The following IPCEF1 variants were observed in gnomAD, a reference collection of about 807,000 sequenced individuals.
IPCEF1 encodes interactor protein for cytohesin exchange factors 1.
A neutral mutation model predicts 50.9 loss-of-function variants in IPCEF1; 31 were observed. The observed-to-expected ratio is 0.61, with a 90% confidence interval of 0.46 to 0.82. IPCEF1 has a LOEUF of 0.82. Ranked by LOEUF, IPCEF1 falls within the 40% of genes least tolerant of loss-of-function variation. IPCEF1 has a pLI of 0.00. For missense variants in IPCEF1, 458 were observed against 514.0 expected (o/e 0.89, Z 1.05); for synonymous variants, 181 against 192.0 (o/e 0.94, Z 0.47).
chr6:154,304,835 C>T (rs950825734), intron 1 of IPCEF1, among the ~76,000 whole-genome samples: 17 of 152,116 alleles, frequency 1.1e-4, no homozygotes, highest in Admixed American at 1.1e-3. Flanking sequence ...AAGAAAAGGC[C>T]GGGCGCGGTG....
chr6:154,219,697 T>C, intron 7 of IPCEF1, among the ~76,000 whole-genome samples: 1 of 152,206 alleles, frequency 6.6e-6, no homozygotes, highest in Admixed American at 6.5e-5. Context: ...TCCATTCGTG[T>C]ATCTGTTCTT....
intron 7 of IPCEF1, among the ~76,000 whole-genome samples, chr6:154,221,009 C>T (rs1224876566): frequency 1.3e-5 from 2 of 152,240 alleles, no homozygotes; most frequent in Non-Finnish European, 2.9e-5. Flanking sequence ...CTTTTAATGA[C>T]TTCTGTCCAC....
intron 3 of IPCEF1, among the ~76,000 whole-genome samples, chr6:154,261,765 G>A (rs1002212896): frequency 6.6e-6 from 1 of 152,070 alleles, no homozygotes; most frequent in Non-Finnish European, 1.5e-5. Flanking sequence ...CAGCTTCAGT[G>A]AAAACTAGCA....
intron 1 of IPCEF1, among the ~76,000 whole-genome samples, chr6:154,310,829 G>A (rs1304691196): frequency 2.0e-5 from 3 of 152,080 alleles, no homozygotes; most frequent in Non-Finnish European, 4.4e-5. Flanking sequence ...AGTAGAAAGG[G>A]GATTACTAGG....
intron 9 of IPCEF1, among the ~76,000 whole-genome samples, chr6:154,211,185 G>A (rs1286241130): frequency 6.6e-6 from 1 of 152,108 alleles, no homozygotes; most frequent in Non-Finnish European, 1.5e-5. Context: ...GGGAGGCCGA[G>A]GCAGGCGGAT....
Position 154,235,547 on chromosome 6 carries a change from A to T in IPCEF1, c.246+11044T>A, listed in dbSNP as rs73001428. On this transcript the variant is annotated intron_variant, in intron 5 of 11. Transcript: ENST00000367220. ...ACTCTGTCACAAAAAAAAAAAAAAA[A>T]AAAAGTAATGAAGACAAAGTTAAGT... Among the ~76,000 whole-genome samples the T allele has an allele frequency of 2.4e-4, 36 of 149,818 alleles. No individual in the cohort carries two copies. The South Asian group carries it at 3.6e-3, about 15-fold the overall frequency.
chr6:154,294,058 C>T (rs1782577201), intron 1 of IPCEF1, among the ~76,000 whole-genome samples: 1 of 152,098 alleles, frequency 6.6e-6, no homozygotes, highest in Non-Finnish European at 1.5e-5. Context: ...TGTCTTTGAA[C>T]ATGAGTTCAA....
At chr6:154,248,947 G>A (rs908931132) in intron 3 of IPCEF1, among the ~76,000 whole-genome samples, 3 of 152,120 alleles carry the variant, frequency 2.0e-5, no homozygotes, top group South Asian at 2.1e-4. Flanking sequence ...TATGATTTAT[G>A]TATCCTTCAG....
At chr6:154,308,205 C>T (rs1781883768) in intron 1 of IPCEF1, among the ~76,000 whole-genome samples, 1 of 152,198 alleles carries the variant, frequency 6.6e-6, no homozygotes, top group African/African-American at 2.4e-5. Flanking sequence ...GCCTCAAGCT[C>T]CCAGGCTCAA....
At chr6:154,247,396 C>T in intron 4 of IPCEF1, 53 bp downstream of exon 4, 1 of 1,453,384 alleles carries the variant, frequency 6.9e-7, no homozygotes, top group South Asian at 1.2e-5. Flanking sequence ...CGGAGAAAAG[C>T]CACACTCAAC....
chr6:154,174,336 T>G (rs1357201364), intron 10 of IPCEF1, among the ~76,000 whole-genome samples: 10 of 152,136 alleles, frequency 6.6e-5, no homozygotes, highest in Non-Finnish European at 1.2e-4. Context: ...TAACCTTAAA[T>G]GTAAATGGGC....
chr6:154,346,213 A>C (rs1225318595), intron 1 of IPCEF1, among the ~76,000 whole-genome samples: 1 of 152,214 alleles, frequency 6.6e-6, no homozygotes, highest in Non-Finnish European at 1.5e-5. Flanking sequence ...AAGATTTTAC[A>C]TCAAAATGTT....
intron 1 of IPCEF1, among the ~76,000 whole-genome samples, chr6:154,324,548 C>T (rs1783471961): frequency 6.6e-6 from 1 of 152,196 alleles, no homozygotes; most frequent in Admixed American, 6.5e-5. Context: ...TGGCTCACAC[C>T]TGTAATCCCA....
At chr6:154,284,429 C>CT (rs1179704028) in intron 2 of IPCEF1, among the ~76,000 whole-genome samples, 3 of 152,120 alleles carry the variant, frequency 2.0e-5, no homozygotes, top group African/African-American at 7.2e-5. Context: ...CCTCGGCCCC[C>CT]AGGAAGACCT....
chr6:154,273,828 G>T (rs1210942469), intron 2 of IPCEF1, among the ~76,000 whole-genome samples: 1 of 127,978 alleles, frequency 7.8e-6, no homozygotes, highest in Non-Finnish European at 1.6e-5. Flanking sequence ...ATCTCGGCTC[G>T]CTGCAAGCTC....
chr6:154,172,670 C>T (rs940081267), intron 10 of IPCEF1, among the ~76,000 whole-genome samples: 7 of 152,212 alleles, frequency 4.6e-5, no homozygotes, highest in South Asian at 2.1e-4. Context: ...TCGAACTGGG[C>T]GGAGCCCACT....
At chr6:154,270,167 C>T (rs1454906910) in intron 2 of IPCEF1, among the ~76,000 whole-genome samples, 7 of 152,118 alleles carry the variant, frequency 4.6e-5, no homozygotes, top group Non-Finnish European at 8.8e-5. Flanking sequence ...AAGACCCTAA[C>T]GACAGGGTAA....
Position 154,217,491 on chromosome 6 carries a change from C to T in IPCEF1, c.393-3215G>A, listed in dbSNP as rs1005440474. Reference sequence around the variant, plus strand: ...AAGAAACAAAAGCTCATGGCACGAGCATCGATTCAGCATAAAATAAATGCA... The same window carrying T: ...AAGAAACAAAAGCTCATGGCACGAGTATCGATTCAGCATAAAATAAATGCA... On this transcript the variant is annotated intron_variant, in intron 7 of 11. Coordinates refer to ENST00000367220, the MANE Select transcript of IPCEF1 (RefSeq NM_001130700.2). 3 of 150,652 alleles carry T rather than the reference C, an allele frequency of 2.0e-5. No homozygotes were observed. The East Asian group carries it at 5.8e-4, about 29-fold the overall frequency. The allele number at this position is 150,652 out of a possible 1,614,324, so 9.3% of individuals were successfully genotyped here.
At position 154,192,022 on chromosome 6, in the gene IPCEF1, A is replaced by AACGGAC. The variant is rs1801934560; in HGVS notation, c.910+7645_910+7646insGTCCGT. Among the ~76,000 whole-genome samples the AACGGAC allele has an allele frequency of 3.9e-5, 6 of 152,310 alleles. No individual in the cohort carries two copies. The Middle Eastern group carries it at 0.014, about 345-fold the overall frequency. On this transcript the variant is annotated intron_variant, in intron 10 of 11. Coordinates refer to ENST00000367220, the MANE Select transcript of IPCEF1 (RefSeq NM_001130700.2). ...TACATTTATTGTTGTATAGTAAAAC[A>AACGGAC]ATGGAGTACTATAAAACAATGAAAA...
Sources: gnomAD v4.1 joint callset for allele counts (sites outside exome capture counted in the v4.1 genomes callset) on GRCh38, gnomAD v4.1.1 for gene constraint, MANE v1.5 for transcripts, NCBI Gene and HGNC (gene_info 2026-07-23, HGNC 2026-07-21) for gene names.